The following ACSM2A variants were observed in gnomAD, a reference collection of about 807,000 sequenced individuals.
ACSM2A encodes acyl-CoA synthetase medium chain family member 2A.
In ACSM2A, 72 loss-of-function variants were observed where a neutral mutation model predicts 76.6. The observed-to-expected ratio is 0.94, with a 90% CI of 0.78 to 1.14. The LOEUF (loss-of-function observed/expected upper bound fraction) is 1.14. Ranked by LOEUF, ACSM2A falls within the 50% of genes most tolerant of loss-of-function variation. The pLI, the probability that ACSM2A is intolerant of heterozygous loss-of-function variation, is 0.00. For synonymous variants in ACSM2A, 249 were observed against 255.9 expected, an observed-to-expected ratio of 0.97 and a Z score of 0.26; for missense variants, 684 against 708.5, an observed-to-expected ratio of 0.97 and a Z score of 0.39.
intron 2 of ACSM2A, among the ~76,000 whole-genome samples, chr16:20,462,381 C>T (rs920364810): frequency 6.6e-6 from 1 of 152,154 alleles, no homozygotes; most frequent in Non-Finnish European, 1.5e-5. Flanking sequence ...AGACTGTTGT[C>T]ATCCTTGCTT....
intron 2 of ACSM2A, among the ~76,000 whole-genome samples, chr16:20,463,881 T>C (rs1435270548): frequency 6.6e-6 from 1 of 152,216 alleles, no homozygotes; most frequent in Non-Finnish European, 1.5e-5. Flanking sequence ...TCCATTGTTA[T>C]GTATATGCAA....
At chr16:20,468,161 G>A (rs1166424610) in intron 3 of ACSM2A, among the ~76,000 whole-genome samples, 1 of 152,118 alleles carries the variant, frequency 6.6e-6, no homozygotes, top group African/African-American at 2.4e-5. Context: ...GAACCCAGAG[G>A]AAGAGATGTG....
At chr16:20,463,801 G>A (rs35302527) in intron 2 of ACSM2A, among the ~76,000 whole-genome samples, 1 of 151,978 alleles carries the variant, frequency 6.6e-6, no homozygotes. Flanking sequence ...AATTTCACTT[G>A]GCATGTCTTC....
In ACSM2A at chr16:20,469,681, A is replaced by G. The variant is rs1314294702; in HGVS notation, c.558A>G (p.Lys186=). ...GAATTAAGCTACTGGTGTCTGAGAA[A>G]AGCTGTGATGGGTGGCTGAACTTCA... The part of the protein sequence containing the change: ...SLRIKLLVSE[K]SCDGWLNFKK... Residue 186 remains lysine (K), a synonymous_variant, in exon 4 of 14, where the codon AAA becomes AAG. Coordinates refer to ENST00000573854, the MANE Select transcript of ACSM2A (RefSeq NM_001308172.2). 6.2e-7 allele frequency: 1 copy of G among 1,613,830 alleles called. No individual in the cohort carries two copies. Among genetic ancestry groups the G allele is most frequent in the African/African-American group, 1.3e-5 (1 of 75,004 alleles).
At chr16:20,473,678 G>C (rs138561837) in intron 6 of ACSM2A, among the ~76,000 whole-genome samples, 2 of 151,916 alleles carry the variant, frequency 1.3e-5, no homozygotes, top group African/African-American at 2.4e-5. Context: ...GCCCCATCCC[G>C]CCAGCCATCT....
At chr16:20,474,006 C>T (rs910951510) in intron 6 of ACSM2A, 15 of 446,598 alleles carry the variant, frequency 3.4e-5, no homozygotes, top group African/African-American at 2.6e-4. Context: ...TTTAAATCTA[C>T]CTATAAGCTG....
intron 6 of ACSM2A, among the ~76,000 whole-genome samples, chr16:20,474,950 A>T (rs1202036506): frequency 6.6e-6 from 1 of 152,220 alleles, no homozygotes; most frequent in African/African-American, 2.4e-5. Context: ...AAGGCTGGAA[A>T]CAATCTATTA....
intron 1 of ACSM2A, among the ~76,000 whole-genome samples, chr16:20,458,287 A>T (rs1370826157): frequency 1.3e-5 from 2 of 149,162 alleles, no homozygotes; most frequent in Non-Finnish European, 3.0e-5. Flanking sequence ...CATTCTTCAC[A>T]GAACTAGAAA....
At chr16:20,477,901 A>C (rs1350026481) in intron 9 of ACSM2A, among the ~76,000 whole-genome samples, 2 of 152,228 alleles carry the variant, frequency 1.3e-5, no homozygotes, top group East Asian at 3.8e-4. Context: ...ATGATGTCCC[A>C]GTTTTCACTA....
At chr16:20,473,167 G>C (rs1385822535) in intron 6 of ACSM2A, among the ~76,000 whole-genome samples, 1 of 152,168 alleles carries the variant, frequency 6.6e-6, no homozygotes, top group South Asian at 2.1e-4. Flanking sequence ...TGCAGCAAAG[G>C]TTCAAGCTAA....
chr16:20,485,032 A>T (rs912005691), intron 13 of ACSM2A, among the ~76,000 whole-genome samples: 1 of 152,006 alleles, frequency 6.6e-6, no homozygotes, highest in Non-Finnish European at 1.5e-5. Context: ...AACCTCTGTG[A>T]TCCTCAGTTT....
intron 12 of ACSM2A, chr16:20,481,123 T>C: frequency 1.5e-6 from 1 of 654,950 alleles, no homozygotes; most frequent in Non-Finnish European, 2.6e-6. Flanking sequence ...GGGATTGTTA[T>C]GAGGGTTAAA....
At chr16:20,459,366 A>C (rs1208685783) in intron 1 of ACSM2A, among the ~76,000 whole-genome samples, 1 of 152,200 alleles carries the variant, frequency 6.6e-6, no homozygotes, top group African/African-American at 2.4e-5. Flanking sequence ...TTTAGGATTT[A>C]TCAGTCCAGA....
At chr16:20,469,440 T>C in intron 3 of ACSM2A, 72 bp from the exon 4 acceptor site, 4 of 1,598,580 alleles carry the variant, frequency 2.5e-6, no homozygotes, top group East Asian at 4.5e-5. Context: ...CGCTGCTTGA[T>C]GTTTATCTCA....
chr16:20,476,902 C>A (rs762208465), intron 8 of ACSM2A: 1 of 195,258 alleles, frequency 5.1e-6, no homozygotes, highest in Non-Finnish European at 9.3e-6. Flanking sequence ...ATACTTCATT[C>A]TTCATGATGT....
intron 13 of ACSM2A, among the ~76,000 whole-genome samples, chr16:20,483,788 G>A (rs548997803): frequency 1.2e-4 from 18 of 152,058 alleles, no homozygotes; most frequent in African/African-American, 3.9e-4. Context: ...GTTGTGCAAC[G>A]CTCAGTTGCA....
chr16:20,485,256 T>C (rs966866174), intron 13 of ACSM2A, among the ~76,000 whole-genome samples: 1 of 152,214 alleles, frequency 6.6e-6, no homozygotes, highest in African/African-American at 2.4e-5. Context: ...CAAGGAGTCC[T>C]ACCACACAGT....
chr16:20,475,494 C>T, intron 7 of ACSM2A, 53 bp downstream of exon 7: 2 of 1,608,884 alleles, frequency 1.2e-6, no homozygotes, highest in East Asian at 2.2e-5. Flanking sequence ...CCCCTGACTC[C>T]CTCACATACA....
At chr16:20,457,016 TACAA>T (rs1223685381) in intron 1 of ACSM2A, among the ~76,000 whole-genome samples, 1 of 151,566 alleles carries the variant, frequency 6.6e-6, no homozygotes, top group Non-Finnish European at 1.5e-5. Context: ...TTCAAGGCAC[TACAA>T]ACAGCTTTAT....
Sources: gnomAD v4.1 joint callset for allele counts (sites outside exome capture counted in the v4.1 genomes callset) on GRCh38, gnomAD v4.1.1 for gene constraint, MANE v1.5 for transcripts, NCBI Gene and HGNC (gene_info 2026-07-23, HGNC 2026-07-21) for gene names.